GALNT13: variants seen among roughly 807,000 people sequenced by gnomAD.
GALNT13 encodes UDP-GalNAc:polypeptide N-acetylgalactosaminyltransferase 13.
GALNT13 carries 28 observed loss-of-function variants against 64.2 expected under a neutral mutation model. That is an observed-to-expected ratio of 0.44 (90% CI 0.32 to 0.60). The LOEUF is 0.60. GALNT13 is among the 20% of genes least tolerant of loss of function. The pLI is 0.05. For synonymous variants in GALNT13, 214 were observed against 224.6 expected (o/e 0.95, Z 0.42); for missense variants, 577 against 669.8 (o/e 0.86, Z 1.53).
At chr2:154,023,003 G>T (rs902807860) in intron 3 of GALNT13, among the ~76,000 whole-genome samples, 3 of 152,180 alleles carry the variant, frequency 2.0e-5, no homozygotes, top group Non-Finnish European at 4.4e-5. Context: ...TAGTTGAGCG[G>T]TTTTGAGTGA....
the GALNT13 span, among the ~76,000 whole-genome samples, chr2:153,844,353 G>A: frequency 8.0e-3 from 1,215 of 151,096 alleles, 17 homozygotes; most frequent in African/African-American, 0.028. Flanking sequence ...GTGGCAGTTC[G>A]AGCTGTACCT....
the GALNT13 span, among the ~76,000 whole-genome samples, chr2:153,280,172 T>A: frequency 6.6e-6 from 1 of 152,170 alleles, no homozygotes; most frequent in Non-Finnish European, 1.5e-5. Context: ...TACATAATAG[T>A]CTCTGAGGAT....
intron 3 of GALNT13, among the ~76,000 whole-genome samples, chr2:153,967,868 G>T (rs1693477995): frequency 6.6e-6 from 1 of 152,090 alleles, no homozygotes; most frequent in South Asian, 2.1e-4. Context: ...GGCCCCTGAT[G>T]GGTCTAGAAA....
At chr2:153,124,447 A>G in the GALNT13 span, among the ~76,000 whole-genome samples, 1 of 152,210 alleles carries the variant, frequency 6.6e-6, no homozygotes, top group Non-Finnish European at 1.5e-5. Context: ...TTGGAAATTT[A>G]CAGAGATACT....
At chr2:153,509,514 C>T in the GALNT13 span, among the ~76,000 whole-genome samples, 1 of 152,122 alleles carries the variant, frequency 6.6e-6, no homozygotes, top group Non-Finnish European at 1.5e-5. Flanking sequence ...AAAGCACAGA[C>T]CATAAAGAAA....
At chr2:153,916,003 A>G (rs1305422870) in intron 2 of GALNT13, among the ~76,000 whole-genome samples, 1 of 151,934 alleles carries the variant, frequency 6.6e-6, no homozygotes, top group African/African-American at 2.4e-5. Context: ...GGAAAGATAG[A>G]TATTTAGTAA....
At chr2:153,325,030 T>C in the GALNT13 span, among the ~76,000 whole-genome samples, 3 of 152,156 alleles carry the variant, frequency 2.0e-5, no homozygotes, top group Admixed American at 6.5e-5. Context: ...CTTTTTCTAT[T>C]GTTTGGAATA....
At chr2:153,580,878 G>GAATTATTTCA in the GALNT13 span, among the ~76,000 whole-genome samples, 3 of 152,048 alleles carry the variant, frequency 2.0e-5, no homozygotes, top group African/African-American at 7.2e-5. Flanking sequence ...GTGTATAAAG[G>GAATTATTTCA]AATTATTTCA....
At chr2:154,073,468 G>A (rs1017201023) in intron 3 of GALNT13, among the ~76,000 whole-genome samples, 2 of 151,880 alleles carry the variant, frequency 1.3e-5, no homozygotes, top group Admixed American at 6.6e-5. Flanking sequence ...TTGTATCCAT[G>A]TTCACTGTGA....
At position 154,113,512 on chromosome 2, in the gene GALNT13, A is replaced by G. The variant is rs147165957; in HGVS notation, c.143-26825A>G. 5.9e-5 allele frequency among the ~76,000 whole-genome samples: 9 copies of G among 152,340 alleles called. No individual in the cohort carries two copies. The East Asian group carries it at 1.7e-3, about 29-fold the overall frequency. Reference sequence around the variant, plus strand: ...GCTTGTAGGAGGGGCCAAATGCAGCAACTTATCTTTCACCTTAGGAGGAAT... The same window carrying G: ...GCTTGTAGGAGGGGCCAAATGCAGCGACTTATCTTTCACCTTAGGAGGAAT... On this transcript the variant is annotated intron_variant, in intron 3 of 12. Transcript: ENST00000392825.
intron 9 of GALNT13, among the ~76,000 whole-genome samples, chr2:154,305,321 G>C (rs1392088305): frequency 2.0e-5 from 3 of 151,832 alleles, no homozygotes; most frequent in African/African-American, 7.3e-5. Flanking sequence ...GGAAGGAGGG[G>C]TGGGAGCTAC....
At chr2:153,466,299 C>A in the GALNT13 span, among the ~76,000 whole-genome samples, 1 of 151,960 alleles carries the variant, frequency 6.6e-6, no homozygotes, top group East Asian at 1.9e-4. Context: ...TAAATGTAAT[C>A]CCCCCTGACT....
chr2:154,285,093 T>A (rs771854854), intron 8 of GALNT13, among the ~76,000 whole-genome samples: 6 of 152,276 alleles, frequency 3.9e-5, no homozygotes, highest in Non-Finnish European at 4.4e-5. Context: ...TGCTGTTAAG[T>A]TGTTTGAATT....
chr2:153,688,898 A>G, the GALNT13 span, among the ~76,000 whole-genome samples: 1 of 151,242 alleles, frequency 6.6e-6, no homozygotes, highest in African/African-American at 2.4e-5. Context: ...TATTGTTGTT[A>G]CCTTTCTTGA....
chr2:153,834,096 T>C, the GALNT13 span, among the ~76,000 whole-genome samples: 1 of 152,138 alleles, frequency 6.6e-6, no homozygotes, highest in African/African-American at 2.4e-5. Context: ...CTTGCCTGTC[T>C]TCACCCCCTT....
At chr2:154,171,029 TG>T (rs1225179850) in intron 4 of GALNT13, among the ~76,000 whole-genome samples, 1 of 152,188 alleles carries the variant, frequency 6.6e-6, no homozygotes, top group African/African-American at 2.4e-5. Context: ...TCTCAATTAT[TG>T]GGTTGTAAAT....
Position 153,937,071 on chromosome 2 carries a change from T to C in GALNT13, c.-104-7323T>C, listed in dbSNP as rs77523030. ...TGCCTTTTGTGAGAAGACTAGATTA[T>C]AATGGGGGTGCATTTAAGATGCTAA... On this transcript the variant is annotated intron_variant, in intron 2 of 12. Coordinates refer to ENST00000392825, the MANE Select transcript of GALNT13 (RefSeq NM_052917.4). Among the ~76,000 whole-genome samples the C allele has an allele frequency of 9.2e-5, 14 of 152,258 alleles. No individual in the cohort carries two copies. In the East Asian group the frequency reaches 2.7e-3, roughly 29 times the overall value.
chr2:153,991,107 A>T (rs1695129220), intron 3 of GALNT13, among the ~76,000 whole-genome samples: 1 of 152,216 alleles, frequency 6.6e-6, no homozygotes, highest in Non-Finnish European at 1.5e-5. Context: ...CATTTCACTC[A>T]GCAAAACCTT....
chr2:153,639,998 C>T, the GALNT13 span, among the ~76,000 whole-genome samples: 4 of 152,068 alleles, frequency 2.6e-5, no homozygotes, highest in Admixed American at 2.0e-4. Context: ...TCAGTGCAGA[C>T]GCCCATAGAG....
Sources: gnomAD v4.1 joint callset for allele counts (sites outside exome capture counted in the v4.1 genomes callset) on GRCh38, gnomAD v4.1.1 for gene constraint, MANE v1.5 for transcripts, NCBI Gene and HGNC (gene_info 2026-07-23, HGNC 2026-07-21) for gene names.